GART: variants seen among roughly 807,000 people sequenced by gnomAD.
The protein encoded by GART is phosphoribosylglycinamide formyltransferase, phosphoribosylglycinamide synthetase, phosphoribosylaminoimidazole synthetase.
Under a neutral mutation model 107.2 loss-of-function variants are expected in GART, and 43 were observed. The observed-to-expected ratio is 0.40, with a 90% CI of 0.31 to 0.52. GART has a LOEUF of 0.52. Ranked by LOEUF, GART falls within the 20% of genes least tolerant of loss-of-function variation. GART has a pLI of 0.52. For synonymous variants in GART, 434 were observed against 427.0 expected, an observed-to-expected ratio of 1.02 and a Z score of -0.20; for missense variants, 1,107 against 1,206.5, an observed-to-expected ratio of 0.92 and a Z score of 1.22.
chr21:33,511,573 G>A, intron 16 of GART, 115 bp from the exon 17 acceptor site: 1 of 1,076,718 alleles, frequency 9.3e-7, no homozygotes. Flanking sequence ...TTTTATGTAG[G>A]GTAAAACTAT....
At chr21:33,526,480 G>A (rs1052808068) in intron 10 of GART, among the ~76,000 whole-genome samples, 5 of 151,850 alleles carry the variant, frequency 3.3e-5, no homozygotes, top group African/African-American at 1.2e-4. Flanking sequence ...GGCCTGTAAA[G>A]GAACTTCTTT....
intron 7 of GART, 135 bp downstream of exon 7, chr21:33,530,624 C>A: frequency 1.1e-6 from 1 of 904,194 alleles, no homozygotes; most frequent in East Asian, 3.3e-5. Context: ...AGATACTCCT[C>A]ATTTAATTGC....
At chr21:33,541,091 G>A (rs867865777) in intron 1 of GART, among the ~76,000 whole-genome samples, 4 of 151,894 alleles carry the variant, frequency 2.6e-5, no homozygotes, top group Non-Finnish European at 4.4e-5. Flanking sequence ...TTAGTGTAAC[G>A]GGAAAACACA....
chr21:33,516,269 G>GAA (rs2084877718), intron 16 of GART, among the ~76,000 whole-genome samples: 1 of 116,852 alleles, frequency 8.6e-6, no homozygotes, highest in African/African-American at 3.1e-5. Context: ...AAAAAAAAAA[G>GAA]AAAAGAAAAA....
chr21:33,531,908 A>G, intron 5 of GART: 1 of 265,838 alleles, frequency 3.8e-6, no homozygotes, highest in South Asian at 6.9e-5. Context: ...TAATAACTAT[A>G]CTAAAGCATG....
intron 10 of GART, among the ~76,000 whole-genome samples, chr21:33,527,753 T>C (rs2085101906): frequency 6.6e-6 from 1 of 152,168 alleles, no homozygotes; most frequent in Admixed American, 6.5e-5. Context: ...CACTGTAAAC[T>C]GGGGGTCAAA....
chr21:33,532,488 T>A (rs1454703853), intron 4 of GART, 32 bp from the exon 5 acceptor site: 1 of 1,481,752 alleles, frequency 6.7e-7, no homozygotes, highest in East Asian at 2.3e-5. Context: ...CAACATCCAA[T>A]AAACCATTAC....
intron 2 of GART, among the ~76,000 whole-genome samples, chr21:33,536,732 T>C (rs1434108551): frequency 1.3e-5 from 2 of 152,192 alleles, no homozygotes; most frequent in African/African-American, 4.8e-5. Context: ...TGAGATAATA[T>C]GATAGTCAAT....
rs1418827551 is a variant in GART, at chr21:33,517,552, C to T, written c.1759G>A (p.Gly587Arg). 6.2e-7 allele frequency: 1 copy of T among 1,614,104 alleles called. No individual in the cohort carries two copies. Among genetic ancestry groups the T allele is most frequent in the African/African-American group, 1.3e-5 (1 of 74,934 alleles). Residue 587 changes from glycine to arginine, a missense_variant, in exon 15 of 22, where the codon GGG (glycine) becomes AGG (arginine). Physicochemically the swap from Gly to Arg is moderately radical, Grantham distance 125. Coordinates refer to ENST00000381815, the MANE Select transcript of GART (RefSeq NM_000819.5). ...CGCTCCATGGCACCAACGGCAAACC[C>T]AGCTAGGTCATACTCTCCAGGGGGA... ...MYPPGEYDLA[G>R]FAVGAMERDQ...
chr21:33,515,652 C>CAAAAAA (rs71194850), intron 16 of GART, among the ~76,000 whole-genome samples: 66 of 35,494 alleles, frequency 1.9e-3, no homozygotes, highest in East Asian at 3.8e-3. Context: ...GACTCCAACT[C>CAAAAAA]AAAAAAAAAA....
At chr21:33,525,926 G>T (rs1454903930) in intron 10 of GART, among the ~76,000 whole-genome samples, 1 of 147,472 alleles carries the variant, frequency 6.8e-6, no homozygotes, top group Non-Finnish European at 1.5e-5. Context: ...CTGGTGTGCA[G>T]TGGTGCAATC....
chr21:33,533,735 T>A (rs116074211), intron 4 of GART, among the ~76,000 whole-genome samples: 3,232 of 152,042 alleles, frequency 0.021, 116 homozygotes, highest in African/African-American at 0.074. Flanking sequence ...TAAAACTCCG[T>A]CTCTACAAAA....
intron 17 of GART, chr21:33,510,374 G>A (rs1402752028): frequency 6.5e-6 from 1 of 154,322 alleles, no homozygotes; most frequent in Non-Finnish European, 1.4e-5. Context: ...CTGTTGCCCA[G>A]GCTGGAGTGC....
intron 16 of GART, among the ~76,000 whole-genome samples, chr21:33,516,631 C>A (rs1301637768): frequency 6.6e-6 from 1 of 152,150 alleles, no homozygotes; most frequent in Non-Finnish European, 1.5e-5. Context: ...CTTCTCTATG[C>A]CTTGGTTTAG....
At position 33,534,636 on chromosome 21, in the gene GART, G is replaced by T. The variant is rs917944942; in HGVS notation, c.359C>A (p.Pro120Gln). 4 of 1,614,060 alleles carry T rather than the reference G, an allele frequency of 2.5e-6. No individual in the cohort carries two copies. Among genetic ancestry groups the T allele is most frequent in the Admixed American group, 3.3e-5 (2 of 59,998 alleles). ...GGTGAAAGCCTTCCATTGTGCGGTT[G>T]GGATTCCATGTCTGTCCATAAACTC... The part of the protein sequence containing the change: ...AKEFMDRHGI[P>Q]TAQWKAFTKP... The change falls in exon 4 of 22, where the codon CCA (proline) becomes CAA (glutamine). Residue 120 changes from proline to glutamine, a missense_variant. Transcript: ENST00000381815.
At chr21:33,504,822 C>A (rs1035748832) in intron 20 of GART, among the ~76,000 whole-genome samples, 6 of 152,130 alleles carry the variant, frequency 3.9e-5, no homozygotes, top group African/African-American at 9.7e-5. Flanking sequence ...CTGGCACGTA[C>A]TATTAAAAAT....
Position 33,509,776 on chromosome 21 carries a change from A to T in GART, c.2452+7T>A. On this transcript the variant is annotated splice_region_variant and intron_variant, in intron 18 of 21. Transcript: ENST00000381815. The stretch of plus-strand genomic sequence containing the variant: ...AGCTCTACAGTGAAGGGGAAGCCAC[A>T]TCTCACCTGTTCCAGATATTAAGAC... 6.2e-7 allele frequency: 1 copy of T among 1,613,236 alleles called. No homozygotes were observed. Among genetic ancestry groups the T allele is most frequent in the Non-Finnish European group, 8.5e-7 (1 of 1,179,764 alleles).
chr21:33,516,737 C>T (rs1435578102), intron 16 of GART, among the ~76,000 whole-genome samples: 3 of 152,122 alleles, frequency 2.0e-5, no homozygotes, highest in East Asian at 1.9e-4. Flanking sequence ...TACCAATCCC[C>T]TTGGAGGACC....
chr21:33,541,726 G>A (rs944792772), intron 1 of GART, among the ~76,000 whole-genome samples: 3 of 152,156 alleles, frequency 2.0e-5, no homozygotes, highest in African/African-American at 2.4e-5. Flanking sequence ...AGAGGATATG[G>A]AGAATAAAGT....
Sources: allele counts gnomAD v4.1 joint callset (sites outside exome capture counted in the v4.1 genomes callset), GRCh38; gene constraint gnomAD v4.1.1; transcripts MANE v1.5; gene names NCBI Gene and HGNC (gene_info 2026-07-23, HGNC 2026-07-21).